GPHN: variants seen among roughly 807,000 people sequenced by gnomAD.
GPHN encodes the protein gephyrin.
Under a neutral mutation model 95.5 loss-of-function variants are expected in GPHN, and 17 were observed. The observed-to-expected ratio is 0.18, with a 90% CI of 0.12 to 0.27. The LOEUF (loss-of-function observed/expected upper bound fraction) is 0.27. Among genes scored for constraint, GPHN ranks in the 10% least tolerant of loss-of-function variants. GPHN has a pLI of 1.00. For synonymous variants in GPHN, 320 were observed against 322.5 expected (o/e 0.99, Z 0.08); for missense variants, 660 against 978.1 (o/e 0.67, Z 4.34).
At chr14:67,138,194 G>C (rs757068408) in intron 17 of GPHN, among the ~76,000 whole-genome samples, 2 of 152,180 alleles carry the variant, frequency 1.3e-5, no homozygotes, top group Admixed American at 1.3e-4. Context: ...GTGAACCTCA[G>C]TGTCCTCTTT....
chr14:67,002,011 T>A (rs1286265573), intron 9 of GPHN, among the ~76,000 whole-genome samples: 1 of 151,638 alleles, frequency 6.6e-6, no homozygotes, highest in Non-Finnish European at 1.5e-5. Context: ...CCTGGTCACC[T>A]TTTTTCCCTT....
intron 2 of GPHN, among the ~76,000 whole-genome samples, chr14:66,773,221 C>T (rs1255634456): frequency 1.3e-5 from 2 of 152,098 alleles, no homozygotes; most frequent in Admixed American, 1.3e-4. Context: ...CTTTTGCGTG[C>T]TTTTCACAGG....
chr14:67,704,121 A>C, the GPHN span, among the ~76,000 whole-genome samples: 1 of 152,134 alleles, frequency 6.6e-6, no homozygotes, highest in Non-Finnish European at 1.5e-5. Flanking sequence ...TTTTAAATTT[A>C]AATATATTTC....
the GPHN span, chr14:67,204,970 G>A: frequency 2.5e-6 from 4 of 1,585,942 alleles, no homozygotes; most frequent in Non-Finnish European, 2.6e-6. Flanking sequence ...AATTGTCACA[G>A]AAGTCATAGA....
intron 17 of GPHN, among the ~76,000 whole-genome samples, chr14:67,136,669 T>C (rs1360803939): frequency 6.6e-6 from 1 of 152,194 alleles, no homozygotes; most frequent in South Asian, 2.1e-4. Flanking sequence ...TCTAGGTAGT[T>C]AGCAGTAGAG....
chr14:66,882,208 C>G (rs1378736991), intron 5 of GPHN, among the ~76,000 whole-genome samples: 1 of 151,632 alleles, frequency 6.6e-6, no homozygotes, highest in East Asian at 1.9e-4. Flanking sequence ...GGAGCTTTAT[C>G]TTATTCTTTT....
chr14:67,242,105 C>G, the GPHN span: 1 of 152,218 alleles, frequency 6.6e-6, no homozygotes, highest in Non-Finnish European at 1.5e-5. Context: ...GCACGTTGAA[C>G]TTTGAAGCAT....
the GPHN span, among the ~76,000 whole-genome samples, chr14:67,380,018 A>G: frequency 6.6e-6 from 1 of 152,036 alleles, no homozygotes; most frequent in Admixed American, 6.5e-5. Context: ...CAGCCTCCCA[A>G]AGTGCTGGGA....
chr14:66,842,757 A>T (rs2062150316), intron 4 of GPHN: 1 of 1,413,598 alleles, frequency 7.1e-7, no homozygotes, highest in Admixed American at 2.2e-5. Flanking sequence ...TTTTCAGATT[A>T]ATAATTTTTA....
chr14:67,700,860 A>G, the GPHN span, among the ~76,000 whole-genome samples: 1 of 151,816 alleles, frequency 6.6e-6, no homozygotes, highest in Admixed American at 6.6e-5. Flanking sequence ...CTCTGTCTCT[A>G]CTAAAAATAC....
chr14:66,737,357 A>G (rs76651342), intron 2 of GPHN, among the ~76,000 whole-genome samples: 1,837 of 152,104 alleles, frequency 0.012, 19 homozygotes, highest in Non-Finnish European at 0.018. Context: ...ACCACTTTCA[A>G]TTTTGGGGTG....
At chr14:67,594,348 C>G in the GPHN span, among the ~76,000 whole-genome samples, 2 of 152,050 alleles carry the variant, frequency 1.3e-5, no homozygotes, top group Non-Finnish European at 2.9e-5. Context: ...GACACTGTCT[C>G]TAAAAATCGA....
At chr14:67,158,307 C>CA (rs368266629) in intron 18 of GPHN, among the ~76,000 whole-genome samples, 6,669 of 55,318 alleles carry the variant, frequency 0.12, 214 homozygotes, top group Middle Eastern at 0.17. Flanking sequence ...AACTCCATCT[C>CA]AAAAAAAAAA....
At chr14:67,644,988 A>G in the GPHN span, among the ~76,000 whole-genome samples, 676 of 145,614 alleles carry the variant, frequency 4.6e-3, 5 homozygotes, top group African/African-American at 0.017. Context: ...ACAGAGCGAG[A>G]CTCCGTCTTA....
the GPHN span, among the ~76,000 whole-genome samples, chr14:67,721,895 GC>G: frequency 6.6e-6 from 1 of 151,984 alleles, no homozygotes; most frequent in Non-Finnish European, 1.5e-5. Context: ...TAGATTCAGC[GC>G]TAGAGTCCAT....
At chr14:66,963,223 G>A (rs923249168) in intron 8 of GPHN, among the ~76,000 whole-genome samples, 1 of 151,952 alleles carries the variant, frequency 6.6e-6, no homozygotes, top group East Asian at 1.9e-4. Flanking sequence ...TTAGTAGCCC[G>A]AAAGTACCTA....
chr14:66,893,241 G>C (rs1483778548), intron 5 of GPHN, among the ~76,000 whole-genome samples: 1 of 152,220 alleles, frequency 6.6e-6, no homozygotes, highest in Non-Finnish European at 1.5e-5. Context: ...CTCCCAGCGT[G>C]AGTAACGCAG....
intron 14 of GPHN, among the ~76,000 whole-genome samples, chr14:67,110,980 A>C (rs920596301): frequency 2.0e-5 from 3 of 152,220 alleles, no homozygotes; most frequent in Non-Finnish European, 4.4e-5. Flanking sequence ...AAAGTAGAAT[A>C]GATTCAACTG....
the GPHN span, among the ~76,000 whole-genome samples, chr14:67,435,466 A>G: frequency 1.3e-5 from 2 of 152,172 alleles, no homozygotes; most frequent in African/African-American, 4.8e-5. Flanking sequence ...CATTCGAACC[A>G]TAGCAGGCAG....
Sources: gnomAD v4.1 joint callset for allele counts (sites outside exome capture counted in the v4.1 genomes callset) on GRCh38, gnomAD v4.1.1 for gene constraint, MANE v1.5 for transcripts, NCBI Gene and HGNC (gene_info 2026-07-23, HGNC 2026-07-21) for gene names.